Variants in TMEM132D observed in about 807,000 individuals in gnomAD.
The protein encoded by TMEM132D is transmembrane protein 132D.
TMEM132D carries 21 observed loss-of-function variants against 62.3 expected under a neutral mutation model. The ratio of observed to expected loss-of-function variants is 0.34; its 90% CI spans 0.24 to 0.49. The LOEUF (loss-of-function observed/expected upper bound fraction) is 0.49, where lower values mean the gene tolerates loss of function less well. Ranked by LOEUF, TMEM132D falls within the 20% of genes least tolerant of loss-of-function variation. The pLI is 0.99. For synonymous variants in TMEM132D, 621 were observed against 575.6 expected (o/e 1.08, Z -1.13); for missense variants, 1,346 against 1,402.8 (o/e 0.96, Z 0.65).
chr12:129,138,646 G>A (rs71464431), intron 5 of TMEM132D, among the ~76,000 whole-genome samples: 52,264 of 152,006 alleles, frequency 0.34, 10,275 homozygotes, highest in Non-Finnish European at 0.44. Flanking sequence ...GCTTGAACCC[G>A]GGAGGCAAAG....
At chr12:129,323,587 G>A (rs371477737) in intron 4 of TMEM132D, among the ~76,000 whole-genome samples, 1 of 152,168 alleles carries the variant, frequency 6.6e-6, no homozygotes, top group South Asian at 2.1e-4. Flanking sequence ...TTACATGTTT[G>A]TCAAATCCTT....
At chr12:129,243,665 C>T (rs1422993261) in intron 4 of TMEM132D, among the ~76,000 whole-genome samples, 1 of 152,136 alleles carries the variant, frequency 6.6e-6, no homozygotes, top group Non-Finnish European at 1.5e-5. Flanking sequence ...TTGCTGCTTT[C>T]ATTATTATCA....
At chr12:129,841,842 T>C (rs1015144154) in intron 1 of TMEM132D, among the ~76,000 whole-genome samples, 4 of 151,658 alleles carry the variant, frequency 2.6e-5, no homozygotes, top group Admixed American at 6.6e-5. Flanking sequence ...AAAATTAATA[T>C]ATAAGAAAAT....
At chr12:129,891,466 G>A (rs1008469748) in intron 1 of TMEM132D, among the ~76,000 whole-genome samples, 5 of 152,284 alleles carry the variant, frequency 3.3e-5, no homozygotes, top group African/African-American at 1.2e-4. Context: ...AATGCCGTTG[G>A]GTGCGGCTGA....
At chr12:129,605,164 TTTTGTAG>T (rs1392992636) in intron 2 of TMEM132D, among the ~76,000 whole-genome samples, 13 of 152,174 alleles carry the variant, frequency 8.5e-5, no homozygotes, top group African/African-American at 3.1e-4. Context: ...TTGTCATGTA[TTTTGTAG>T]TTTGTGTTCT....
intron 5 of TMEM132D, among the ~76,000 whole-genome samples, chr12:129,140,974 A>T (rs950774293): frequency 1.3e-5 from 2 of 152,174 alleles, no homozygotes; most frequent in African/African-American, 2.4e-5. Flanking sequence ...GTTATTGGAC[A>T]TTTGAGTTTC....
Position 129,078,867 on chromosome 12 carries a change from A to T in TMEM132D, c.1924-142T>A, listed in dbSNP as rs1874361755. On this transcript the variant is annotated intron_variant, in intron 7 of 8. Coordinates refer to ENST00000422113, the MANE Select transcript of TMEM132D (RefSeq NM_133448.3). ...GAATGAGAACAGGCCTTTCCCACTCACACCACCTTCTGAATCATATGTATT... is the reference window on the plus strand; with the variant it reads ...GAATGAGAACAGGCCTTTCCCACTCTCACCACCTTCTGAATCATATGTATT... The T allele has an allele frequency of 1.3e-5, 10 of 760,992 alleles. No individual in the cohort carries two copies. In the South Asian group the frequency reaches 1.8e-4, roughly 14 times the overall value. 47.1% of individuals were successfully genotyped at this position (760,992 alleles called of 1,614,324 possible). A position where few individuals can be genotyped will look rare whatever the true frequency, so the allele number is the denominator to read the frequency against.
chr12:129,819,494 C>G (rs554409508), intron 1 of TMEM132D, among the ~76,000 whole-genome samples: 51 of 152,294 alleles, frequency 3.3e-4, no homozygotes, highest in Non-Finnish European at 6.8e-4. Flanking sequence ...ACTCCACACG[C>G]CCCAGGTTCT....
chr12:129,384,255 T>TAAACA (rs999681546), intron 3 of TMEM132D, among the ~76,000 whole-genome samples: 2 of 152,104 alleles, frequency 1.3e-5, no homozygotes, highest in Non-Finnish European at 2.9e-5. Context: ...AACAGTGACT[T>TAAACA]AAACAAAACA....
At chr12:129,558,137 G>T (rs1360744625) in intron 2 of TMEM132D, among the ~76,000 whole-genome samples, 1 of 152,142 alleles carries the variant, frequency 6.6e-6, no homozygotes, top group Non-Finnish European at 1.5e-5. Flanking sequence ...GATGTTTATA[G>T]GGACAGGCAA....
At chr12:129,870,002 C>G (rs905125766) in intron 1 of TMEM132D, among the ~76,000 whole-genome samples, 2 of 152,114 alleles carry the variant, frequency 1.3e-5, no homozygotes, top group African/African-American at 4.8e-5. Flanking sequence ...TTCCACCACA[C>G]CTGGGTTTCG....
chr12:129,246,779 A>G (rs1566010698), intron 4 of TMEM132D, among the ~76,000 whole-genome samples: 3 of 150,900 alleles, frequency 2.0e-5, no homozygotes, highest in Non-Finnish European at 4.4e-5. Context: ...AAAAAAAAAA[A>G]GATAGAAAGT....
chr12:129,383,992 A>T (rs1371169198), intron 3 of TMEM132D, among the ~76,000 whole-genome samples: 1 of 152,226 alleles, frequency 6.6e-6, no homozygotes, highest in African/African-American at 2.4e-5. Flanking sequence ...CGAAAGCTGT[A>T]GAACCTCGTA....
chr12:129,680,751 C>T (rs539288362), intron 2 of TMEM132D, among the ~76,000 whole-genome samples: 9 of 152,246 alleles, frequency 5.9e-5, no homozygotes, highest in South Asian at 2.1e-4. Context: ...AGGATGGTGA[C>T]ACAGCCCAAG....
intron 5 of TMEM132D, among the ~76,000 whole-genome samples, chr12:129,193,563 TAA>T (rs992624532): frequency 6.6e-6 from 1 of 152,212 alleles, no homozygotes; most frequent in Non-Finnish European, 1.5e-5. Flanking sequence ...CGAATTTTAC[TAA>T]AATAACCTAT....
rs146476908 is a variant in TMEM132D, at chr12:129,827,230, T to G, written c.79+76031A>C. On this transcript the variant is annotated intron_variant, in intron 1 of 8. Transcript: ENST00000422113. This position sits in a 1 kb window ranked among gnomAD's most constrained non-coding sequence, Gnocchi z 9.7. ...AAATTCTTAAGGCTGTCTTATGCAATGAGTGCTATGATTATTCCCATTTTG... is the reference window on the plus strand; with the variant it reads ...AAATTCTTAAGGCTGTCTTATGCAAGGAGTGCTATGATTATTCCCATTTTG... Among the ~76,000 whole-genome samples, 12 of 152,324 alleles carry G rather than the reference T, an allele frequency of 7.9e-5. No homozygotes were observed. The highest frequency in any genetic ancestry group is 2.9e-4 in the African/African-American group (12 of 41,584).
chr12:129,400,247 T>C (rs1216760839), intron 3 of TMEM132D, among the ~76,000 whole-genome samples: 1 of 152,060 alleles, frequency 6.6e-6, no homozygotes, highest in Non-Finnish European at 1.5e-5. Context: ...CCAAAAATAG[T>C]ATCCAGTCGC....
chr12:129,157,538 T>C (rs1050777772), intron 5 of TMEM132D, among the ~76,000 whole-genome samples: 6 of 152,230 alleles, frequency 3.9e-5, no homozygotes, highest in Admixed American at 3.9e-4. Flanking sequence ...TGTGAAGCCA[T>C]TGATCTATTT....
chr12:129,094,847 C>T (rs1296317999), intron 5 of TMEM132D, among the ~76,000 whole-genome samples: 1 of 152,110 alleles, frequency 6.6e-6, no homozygotes, highest in East Asian at 1.9e-4. Flanking sequence ...GAATACTATG[C>T]AGCCATAAAA....
Sources: allele counts gnomAD v4.1 joint callset (sites outside exome capture counted in the v4.1 genomes callset), GRCh38; gene constraint gnomAD v4.1.1; non-coding constraint Gnocchi (gnomAD v3.1); transcripts MANE v1.5; gene names NCBI Gene and HGNC (gene_info 2026-07-23, HGNC 2026-07-21).